The following ZNF804B variants were observed in gnomAD, a reference collection of about 807,000 sequenced individuals.
ZNF804B encodes zinc finger 804B.
In ZNF804B, 80 loss-of-function variants were observed where a neutral mutation model predicts 101.4. The observed-to-expected ratio is 0.79, with a 90% CI of 0.66 to 0.95. ZNF804B has a LOEUF of 0.95. ZNF804B is among the 40% of genes least tolerant of loss of function. ZNF804B has a pLI of 0.00. For synonymous variants in ZNF804B, 622 were observed against 558.8 expected, an observed-to-expected ratio of 1.11 and a Z score of -1.59; for missense variants, 1,673 against 1,561.9, an observed-to-expected ratio of 1.07 and a Z score of -1.20.
rs1225492071 is a variant in ZNF804B, at chr7:89,338,463, A to G, written c.*1431A>G. On this transcript the variant is annotated 3_prime_UTR_variant, in exon 4 of 4. Transcript: ENST00000333190. ...AAATGAAATAGAAAGGTTAAATACT[A>G]AATACTTGGTAAACAGTAGGAAAGG... Among the ~76,000 whole-genome samples the G allele has an allele frequency of 6.6e-6, 1 of 152,096 alleles. No individual in the cohort carries two copies. Among genetic ancestry groups the G allele is most frequent in the African/African-American group, 2.4e-5 (1 of 41,452 alleles).
intron 1 of ZNF804B, among the ~76,000 whole-genome samples, chr7:88,971,636 C>T (rs987857631): frequency 6.6e-6 from 1 of 151,612 alleles, no homozygotes; most frequent in Non-Finnish European, 1.5e-5. Context: ...GCTAATGGGA[C>T]ACATAATTGT....
At chr7:89,128,908 C>T (rs1285795657) in intron 1 of ZNF804B, among the ~76,000 whole-genome samples, 1 of 151,926 alleles carries the variant, frequency 6.6e-6, no homozygotes, top group Non-Finnish European at 1.5e-5. Context: ...CTAAGTGCCT[C>T]ATGCCAAGGT....
At chr7:89,159,859 A>G (rs1365840719) in intron 1 of ZNF804B, among the ~76,000 whole-genome samples, 1 of 152,148 alleles carries the variant, frequency 6.6e-6, no homozygotes, top group African/African-American at 2.4e-5. Flanking sequence ...GGGATATAAA[A>G]TATTTGGGAA....
At chr7:88,917,070 G>C (rs1792643117) in intron 1 of ZNF804B, among the ~76,000 whole-genome samples, 1 of 152,050 alleles carries the variant, frequency 6.6e-6, no homozygotes, top group Admixed American at 6.6e-5. Context: ...TTTGAGACCA[G>C]CCTGACCAAC....
intron 1 of ZNF804B, among the ~76,000 whole-genome samples, chr7:88,888,435 T>G (rs1396391439): frequency 6.6e-6 from 1 of 152,006 alleles, no homozygotes; most frequent in Non-Finnish European, 1.5e-5. Flanking sequence ...ATTAATACAA[T>G]TAGTTATCAT....
At chr7:89,066,891 T>C (rs1289070581) in intron 1 of ZNF804B, among the ~76,000 whole-genome samples, 1 of 151,996 alleles carries the variant, frequency 6.6e-6, no homozygotes, top group African/African-American at 2.4e-5. Flanking sequence ...GCCTCCTGAG[T>C]GTTCTTATTC....
At chr7:88,985,509 C>T (rs1793746984) in intron 1 of ZNF804B, among the ~76,000 whole-genome samples, 1 of 152,032 alleles carries the variant, frequency 6.6e-6, no homozygotes, top group African/African-American at 2.4e-5. Context: ...GGGAGAGTCT[C>T]ATGATTCCCT....
chr7:88,892,055 C>A (rs945297913), intron 1 of ZNF804B, among the ~76,000 whole-genome samples: 5 of 152,096 alleles, frequency 3.3e-5, no homozygotes, highest in African/African-American at 7.2e-5. Flanking sequence ...TTCTTCTAAA[C>A]CAAAGATCCT....
At chr7:88,820,692 C>A (rs897641355) in intron 1 of ZNF804B, among the ~76,000 whole-genome samples, 1 of 152,124 alleles carries the variant, frequency 6.6e-6, no homozygotes, top group Non-Finnish European at 1.5e-5. Flanking sequence ...AGCAGCACTG[C>A]AAGTTGCCTT....
intron 1 of ZNF804B, among the ~76,000 whole-genome samples, chr7:89,090,736 C>T (rs1052552407): frequency 6.6e-5 from 10 of 151,912 alleles, no homozygotes; most frequent in African/African-American, 2.4e-4. Context: ...TCCTTTTCCC[C>T]TTCAAAAAAT....
intron 1 of ZNF804B, among the ~76,000 whole-genome samples, chr7:88,775,729 G>A (rs1335087651): frequency 3.3e-5 from 5 of 152,144 alleles, no homozygotes; most frequent in Non-Finnish European, 7.3e-5. Flanking sequence ...GTCAACAGAC[G>A]AGGCAACTCT....
intron 2 of ZNF804B, among the ~76,000 whole-genome samples, chr7:89,279,218 C>T (rs1790039887): frequency 6.6e-6 from 1 of 152,036 alleles, no homozygotes; most frequent in African/African-American, 2.4e-5. Flanking sequence ...TGAGACTTTG[C>T]TGAAGTTGCT....
chr7:89,068,355 T>C (rs1197441305), intron 1 of ZNF804B, among the ~76,000 whole-genome samples: 2 of 152,020 alleles, frequency 1.3e-5, no homozygotes, highest in Non-Finnish European at 2.9e-5. Flanking sequence ...ATTAAGATGT[T>C]TTATTATATG....
chr7:89,072,789 T>TA (rs763605746), intron 1 of ZNF804B, among the ~76,000 whole-genome samples: 2 of 152,050 alleles, frequency 1.3e-5, no homozygotes, highest in African/African-American at 2.4e-5. Context: ...ATTTAGGGAA[T>TA]AAAAAAATGC....
At chr7:89,172,959 G>A (rs1377838060) in intron 1 of ZNF804B, among the ~76,000 whole-genome samples, 1 of 152,088 alleles carries the variant, frequency 6.6e-6, no homozygotes, top group African/African-American at 2.4e-5. Context: ...AGAAGGTAAG[G>A]AGTATAGTAT....
intron 1 of ZNF804B, among the ~76,000 whole-genome samples, chr7:89,117,871 TGG>T (rs1307046842): frequency 6.6e-6 from 1 of 152,180 alleles, no homozygotes; most frequent in Non-Finnish European, 1.5e-5. Context: ...ATTTTGAGTT[TGG>T]TAACATTTTG....
chr7:89,185,893 A>G (rs1317702815), intron 1 of ZNF804B, among the ~76,000 whole-genome samples: 1 of 148,372 alleles, frequency 6.7e-6, no homozygotes, highest in Non-Finnish European at 1.5e-5. Context: ...AGAAAAAAAG[A>G]AAAAAAAAAG....
At chr7:88,974,584 C>T (rs1048288159) in intron 1 of ZNF804B, among the ~76,000 whole-genome samples, 5 of 151,128 alleles carry the variant, frequency 3.3e-5, no homozygotes, top group Non-Finnish European at 7.4e-5. Context: ...GAAGTTAAAT[C>T]ATATTTACTA....
chr7:88,937,940 A>T lies in ZNF804B; in HGVS notation c.108+177856A>T, dbSNP rs959359037. Among the ~76,000 whole-genome samples, 39 of 152,100 alleles carry T rather than the reference A, an allele frequency of 2.6e-4. 1 individual carries two copies. Among genetic ancestry groups the T allele is most frequent in the Non-Finnish European group, 1.5e-5 (1 of 68,008 alleles). On this transcript the variant is annotated intron_variant, in intron 1 of 3. Transcript: ENST00000333190. ...GGAAGAGATTTATTCTGAGCCAAATATGGGTGACCGTGGGCTGTGACAGCC... is the reference window on the plus strand; with the variant it reads ...GGAAGAGATTTATTCTGAGCCAAATTTGGGTGACCGTGGGCTGTGACAGCC...
Sources: allele counts gnomAD v4.1 joint callset (sites outside exome capture counted in the v4.1 genomes callset), GRCh38; gene constraint gnomAD v4.1.1; transcripts MANE v1.5; gene names NCBI Gene and HGNC (gene_info 2026-07-23, HGNC 2026-07-21).